DTNA: variants seen among roughly 807,000 people sequenced by gnomAD.
DTNA encodes the protein dystrobrevin alpha.
In DTNA, 43 loss-of-function variants were observed where a neutral mutation model predicts 100.7. The observed-to-expected ratio is 0.43, with a 90% CI of 0.33 to 0.55. The LOEUF is 0.55. DTNA is among the 20% of genes least tolerant of loss of function. The pLI is 0.04. For missense variants in DTNA, 798 were observed against 953.9 expected (o/e 0.84, Z 2.15); for synonymous variants, 349 against 347.9 (o/e 1.00, Z -0.04).
chr18:34,845,563 C>T (rs2096361849), intron 13 of DTNA, among the ~76,000 whole-genome samples: 1 of 152,100 alleles, frequency 6.6e-6, no homozygotes, highest in South Asian at 2.1e-4. Flanking sequence ...ATGGGGTTAT[C>T]CGCAAAACAC....
Position 34,845,302 on chromosome 18 carries a change from A to G in DTNA, c.1347-2994A>G, listed in dbSNP as rs138724143. Among the ~76,000 whole-genome samples the G allele has an allele frequency of 3.9e-4, 59 of 152,258 alleles. No individual in the cohort carries two copies. In the East Asian group the frequency reaches 8.3e-3, roughly 21 times the overall value. On this transcript the variant is annotated intron_variant, in intron 13 of 22. Coordinates refer to ENST00000444659, the MANE Select transcript of DTNA (RefSeq NM_001386795.1). ...TCATTCACTCAGTGCTGGGGGAGGA[A>G]AGGCATGGACGTATGAGTTATCACT...
At chr18:34,664,154 G>A (rs1230115928) in intron 1 of DTNA, among the ~76,000 whole-genome samples, 1 of 152,070 alleles carries the variant, frequency 6.6e-6, no homozygotes, top group Non-Finnish European at 1.5e-5. Flanking sequence ...TGAGCCTGGA[G>A]TTTCTTCATA....
intron 1 of DTNA, among the ~76,000 whole-genome samples, chr18:34,672,819 A>C (rs1365127056): frequency 1.3e-5 from 2 of 152,130 alleles, no homozygotes; most frequent in East Asian, 1.9e-4. Context: ...TATATGCACA[A>C]ACATATGTCT....
chr18:34,766,574 A>C (rs1426441818), intron 3 of DTNA, among the ~76,000 whole-genome samples: 1 of 152,164 alleles, frequency 6.6e-6, no homozygotes, highest in Non-Finnish European at 1.5e-5. Flanking sequence ...CCTAATGTAA[A>C]TGACGAGTTA....
chr18:34,706,147 C>T (rs969149837), upstream of DTNA, among the ~76,000 whole-genome samples: 1 of 152,120 alleles, frequency 6.6e-6, no homozygotes, highest in Non-Finnish European at 1.5e-5. Flanking sequence ...GGGGTTCTTC[C>T]ATGTTGGTCA....
chr18:34,524,952 A>C (rs1216917539), intron 1 of DTNA, among the ~76,000 whole-genome samples: 2 of 152,132 alleles, frequency 1.3e-5, no homozygotes, highest in African/African-American at 4.8e-5. Context: ...TTTAGCATGG[A>C]TTGGATGAAA....
intron 1 of DTNA, among the ~76,000 whole-genome samples, chr18:34,549,463 A>G (rs2145900753): frequency 6.6e-6 from 1 of 151,532 alleles, no homozygotes; most frequent in African/African-American, 2.4e-5. Flanking sequence ...GTTAATTAAA[A>G]AGCTTCCCTC....
intron 1 of DTNA, among the ~76,000 whole-genome samples, chr18:34,508,405 T>C (rs2040707125): frequency 6.6e-6 from 1 of 152,152 alleles, no homozygotes. Context: ...TATGCTGGCA[T>C]TTTTCTCTGG....
intron 1 of DTNA, among the ~76,000 whole-genome samples, chr18:34,620,982 A>T (rs549461387): frequency 2.6e-5 from 4 of 151,390 alleles, no homozygotes; most frequent in African/African-American, 4.9e-5. Flanking sequence ...ATACCATTTT[A>T]AAAAAACCCA....
At chr18:34,571,618 A>G (rs2047599129) in intron 1 of DTNA, among the ~76,000 whole-genome samples, 2 of 152,262 alleles carry the variant, frequency 1.3e-5, no homozygotes, top group Admixed American at 6.5e-5. Flanking sequence ...ATAGTCATGC[A>G]CTGGCCCTGT....
intron 1 of DTNA, among the ~76,000 whole-genome samples, chr18:34,722,606 T>TACACACACACACACACACACAC (rs71166022): frequency 1.0e-3 from 147 of 147,226 alleles, no homozygotes; most frequent in Non-Finnish European, 1.7e-3. Context: ...TATATATACA[T>TACACACACACACACACACACAC]ACACACACAC....
chr18:34,852,761 G>C (rs1370428929), intron 15 of DTNA, among the ~76,000 whole-genome samples: 2 of 152,114 alleles, frequency 1.3e-5, no homozygotes, highest in Non-Finnish European at 2.9e-5. Context: ...CCAGGTCTCT[G>C]TGTGGATGGC....
rs1316942258 is a variant in DTNA at position 34,773,510 on chromosome 18, C to A, written c.148+7469C>A. On this transcript the variant is annotated intron_variant, in intron 3 of 22. Coordinates refer to ENST00000444659, the MANE Select transcript of DTNA (RefSeq NM_001386795.1). ...GGGGAAATAAACTGCAGATGACTAACCCTTGGAGCACAATTATCTATGTTA... is the reference window on the plus strand; with the variant it reads ...GGGGAAATAAACTGCAGATGACTAAACCTTGGAGCACAATTATCTATGTTA... Among the ~76,000 whole-genome samples, 5 of 152,302 alleles carry A rather than the reference C, an allele frequency of 3.3e-5. No homozygotes were observed. The East Asian group carries it at 9.7e-4, about 29-fold the overall frequency.
chr18:34,631,364 T>A (rs532928460), intron 1 of DTNA, among the ~76,000 whole-genome samples: 1 of 152,198 alleles, frequency 6.6e-6, no homozygotes, highest in East Asian at 1.9e-4. Flanking sequence ...TTAACAGTTA[T>A]TTTTATTATT....
At chr18:34,512,089 C>G (rs1190093061) in intron 1 of DTNA, among the ~76,000 whole-genome samples, 1 of 151,992 alleles carries the variant, frequency 6.6e-6, no homozygotes, top group Non-Finnish European at 1.5e-5. Flanking sequence ...GGTCACCCTG[C>G]TGGTTATATG....
chr18:34,707,256 A>G (rs559396298), upstream of DTNA, among the ~76,000 whole-genome samples: 1 of 152,280 alleles, frequency 6.6e-6, no homozygotes, highest in South Asian at 2.1e-4. Context: ...GGATTTGGCA[A>G]ATTGACTTCC....
intron 1 of DTNA, among the ~76,000 whole-genome samples, chr18:34,747,104 C>CTATCTATCTATATATATA (rs1041438583): frequency 2.0e-5 from 3 of 148,228 alleles, no homozygotes; most frequent in African/African-American, 7.5e-5. Context: ...ATATCTGTAT[C>CTATCTATCTATATATATA]TATATATATA....
chr18:34,711,131 A>T (rs1248215054), intron 1 of DTNA, among the ~76,000 whole-genome samples: 1 of 152,160 alleles, frequency 6.6e-6, no homozygotes, highest in African/African-American at 2.4e-5. Context: ...TCTTTTGCTT[A>T]GAGGCTGGTA....
At chr18:34,583,607 A>G (rs2048843351) in intron 1 of DTNA, among the ~76,000 whole-genome samples, 1 of 151,840 alleles carries the variant, frequency 6.6e-6, no homozygotes, top group Non-Finnish European at 1.5e-5. Context: ...TTTAATGGAA[A>G]TGGAATGAAT....
Sources: allele counts gnomAD v4.1 joint callset (sites outside exome capture counted in the v4.1 genomes callset), GRCh38; gene constraint gnomAD v4.1.1; transcripts MANE v1.5; gene names NCBI Gene and HGNC (gene_info 2026-07-23, HGNC 2026-07-21).